H2AC11: variants seen among roughly 807,000 people sequenced by gnomAD.
The protein encoded by H2AC11 is H2A clustered histone 11.
In H2AC11, 8 loss-of-function variants were observed where a neutral mutation model predicts 5.9. The ratio of observed to expected loss-of-function variants is 1.35; its 90% CI spans 0.79 to 2.44. The LOEUF is 2.44. H2AC11 is among the 30% of genes most tolerant of loss of function. H2AC11 has a pLI of 0.00. For missense variants in H2AC11, 189 were observed against 178.6 expected, an observed-to-expected ratio of 1.06 and a Z score of -0.33; for synonymous variants, 161 against 81.9, an observed-to-expected ratio of 1.96 and a Z score of -5.21.
At position 27,133,104 on chromosome 6, in the gene H2AC11, C is replaced by A. The variant is rs1318057391; in HGVS notation, c.33C>A (p.Ala11=). 1 of 1,613,464 alleles carries A rather than the reference C, an allele frequency of 6.2e-7. No homozygotes were observed. The highest frequency in any genetic ancestry group is 8.5e-7 in the Non-Finnish European group (1 of 1,179,586). ...GACGTGGCAAGCAGGGAGGCAAAGC[C>A]CGCGCTAAGGCCAAGACTCGCTCTT... MSGRGKQGGK[A]RAKAKTRSSR... is the part of the protein sequence containing the mutation. The change falls in exon 1 of 1, where the codon GCC becomes GCA. Residue 11 remains alanine, a synonymous_variant. Coordinates refer to ENST00000359193, the MANE Select transcript of H2AC11 (RefSeq NM_021064.5).
At position 27,133,373 on chromosome 6, in the gene H2AC11, TCACCATCGCACAGGGCG is replaced by T; in HGVS notation, c.303_319del (p.Thr102CysfsTer15). On this transcript the variant is annotated frameshift_variant, in exon 1 of 1. Coordinates refer to ENST00000359193, the MANE Select transcript of H2AC11 (RefSeq NM_021064.5). LOFTEE classifies it high-confidence loss of function. The stretch of plus-strand genomic sequence containing the variant: ...GAGCTCAACAAGCTGCTGGGCAAAG[TCACCATCGCACAGGGCG>T]GTGTCCTGCCCAACATTCAGGCCGT... The T allele has an allele frequency of 6.2e-7, 1 of 1,614,178 alleles. No individual in the cohort carries two copies. The highest frequency in any genetic ancestry group is 8.5e-7 in the Non-Finnish European group (1 of 1,180,036).
Position 27,133,465 on chromosome 6 carries a change from C to T in H2AC11, c.*1C>T, listed in dbSNP as rs367814674. On this transcript the variant is annotated 3_prime_UTR_variant, in exon 1 of 1. Transcript: ENST00000359193. ...CCACCACAAGGCGAAGGGCAAGTAA[C>T]TATCTGTACTAGTTTGTGGCAGCTC... is the stretch of plus-strand genomic sequence containing the variant. 1.9e-6 allele frequency: 3 copies of T among 1,613,332 alleles called. No homozygotes were observed. The highest frequency in any genetic ancestry group is 1.7e-5 in the Admixed American group (1 of 59,988).
In H2AC11 at chr6:27,133,514, C is replaced by T; in HGVS notation, c.*50C>T. 6.3e-7 allele frequency: 1 copy of T among 1,581,814 alleles called. No homozygotes were observed. Among genetic ancestry groups the T allele is most frequent in the Non-Finnish European group, 8.6e-7 (1 of 1,161,584 alleles). The stretch of plus-strand genomic sequence containing the variant: ...TCAAGTAAAATCGAGTCCAAACCAA[C>T]GGCTCTTTTCAGGGCCACCCACGTC... On this transcript the variant is annotated 3_prime_UTR_variant, in exon 1 of 1. Transcript: ENST00000359193.
At position 27,133,422 on chromosome 6, in the gene H2AC11, G is replaced by A; in HGVS notation, c.351G>A (p.Leu117=). 6.2e-7 allele frequency: 1 copy of A among 1,614,196 alleles called. No homozygotes were observed. Among genetic ancestry groups the A allele is most frequent in the Non-Finnish European group, 8.5e-7 (1 of 1,180,026 alleles). The part of the protein sequence containing the change: ...GVLPNIQAVL[L]PKKTESHHKA... ...TGCCCAACATTCAGGCCGTGCTACT[G>A]CCCAAAAAGACTGAGAGCCACCACA... Residue 117 remains leucine (L), a synonymous_variant, in exon 1 of 1, where the codon CTG becomes CTA. Transcript: ENST00000359193.
Position 27,133,483 on chromosome 6 carries a change from G to T in H2AC11, c.*19G>T. ...CAAGTAACTATCTGTACTAGTTTGT[G>T]GCAGCTCAAGTAAAATCGAGTCCAA... On this transcript the variant is annotated 3_prime_UTR_variant, in exon 1 of 1. Coordinates refer to ENST00000359193, the MANE Select transcript of H2AC11 (RefSeq NM_021064.5). The T allele has an allele frequency of 1.2e-6, 2 of 1,602,878 alleles. No individual in the cohort carries two copies. The highest frequency in any genetic ancestry group is 1.7e-6 in the Non-Finnish European group (2 of 1,172,054).
In H2AC11 at chr6:27,133,376, C is replaced by T. The variant is rs1759885632; in HGVS notation, c.305C>T (p.Thr102Ile). ...EELNKLLGKV[T>I]IAQGGVLPNI... is the part of the protein sequence containing the mutation. The stretch of plus-strand genomic sequence containing the variant: ...CTCAACAAGCTGCTGGGCAAAGTCA[C>T]CATCGCACAGGGCGGTGTCCTGCCC... Residue 102 changes from threonine (T) to isoleucine (I), a missense_variant, in exon 1 of 1, where the codon ACC (threonine) becomes ATC (isoleucine). Physicochemically the swap from Thr to Ile is moderately conservative, Grantham distance 89. Coordinates refer to ENST00000359193, the MANE Select transcript of H2AC11 (RefSeq NM_021064.5). The T allele has an allele frequency of 1.9e-6, 3 of 1,614,114 alleles. No individual in the cohort carries two copies. Among genetic ancestry groups the T allele is most frequent in the African/African-American group, 1.3e-5 (1 of 74,946 alleles).
rs1470018979 is a variant in H2AC11, at chr6:27,133,338, C to T, written c.267C>T (p.Arg89=). 2 of 1,614,232 alleles carry T rather than the reference C, an allele frequency of 1.2e-6. No individual in the cohort carries two copies. The highest frequency in any genetic ancestry group is 1.1e-5 in the South Asian group (1 of 91,090). ...CGCGTCATCTCCAACTGGCCATCCG[C>T]AACGACGAGGAGCTCAACAAGCTGC... is the stretch of plus-strand genomic sequence containing the variant. The part of the protein sequence containing the change: ...IIPRHLQLAI[R]NDEELNKLLG... The change falls in exon 1 of 1, where the codon CGC becomes CGT. Residue 89 remains arginine (R), a synonymous_variant. Coordinates refer to ENST00000359193, the MANE Select transcript of H2AC11 (RefSeq NM_021064.5).
rs762950579 is a variant in H2AC11, at chr6:27,133,233, G to A, written c.162G>A (p.Ala54=). 1.2e-5 allele frequency: 19 copies of A among 1,614,016 alleles called. No individual in the cohort carries two copies. The South Asian group carries it at 1.6e-4, about 14-fold the overall frequency. ...VGAGAPVYLA[A]VLEYLTAEIL... is the part of the protein sequence containing the mutation. ...CCGGCGCGCCGGTGTATCTGGCAGC[G>A]GTGCTGGAGTACCTGACCGCCGAGA... The change falls in exon 1 of 1, where the codon GCG becomes GCA. Residue 54 remains alanine (A), a synonymous_variant. Transcript: ENST00000359193.
In H2AC11 at chr6:27,133,493, G is replaced by C. The variant is rs536908966; in HGVS notation, c.*29G>C. The C allele has an allele frequency of 6.3e-7, 1 of 1,597,644 alleles. No homozygotes were observed. The highest frequency in any genetic ancestry group is 1.1e-5 in the South Asian group (1 of 89,896). ...TCTGTACTAGTTTGTGGCAGCTCAA[G>C]TAAAATCGAGTCCAAACCAACGGCT... On this transcript the variant is annotated 3_prime_UTR_variant, in exon 1 of 1. Coordinates refer to ENST00000359193, the MANE Select transcript of H2AC11 (RefSeq NM_021064.5).
rs1452305503 is a variant in H2AC11, at chr6:27,133,136, C to T, written c.65C>T (p.Ala22Val). The T allele has an allele frequency of 5.6e-6, 9 of 1,613,960 alleles. No individual in the cohort carries two copies. Among genetic ancestry groups the T allele is most frequent in the African/African-American group, 1.3e-5 (1 of 74,928 alleles). ...AAGGCCAAGACTCGCTCTTCTAGGG[C>T]CGGTCTCCAGTTCCCCGTGGGCCGA... ...RAKAKTRSSR[A>V]GLQFPVGRVH... The change falls in exon 1 of 1, where the codon GCC becomes GTC. Residue 22 changes from alanine (A) to valine (V), a missense_variant. Transcript: ENST00000359193.
In H2AC11 at chr6:27,133,270, G is replaced by A. The variant is rs1051096633; in HGVS notation, c.199G>A (p.Ala67Thr). Residue 67 changes from alanine (A) to threonine (T), a missense_variant, in exon 1 of 1, where the codon GCG becomes ACG. Physicochemically the swap from Ala to Thr is moderately conservative, Grantham distance 58. Coordinates refer to ENST00000359193, the MANE Select transcript of H2AC11 (RefSeq NM_021064.5). ...EYLTAEILEL[A>T]GNAARDNKKT... ...CCTGACCGCCGAGATCCTGGAACTGGCGGGCAACGCGGCCCGCGACAACAA... is the reference window on the plus strand; with the variant it reads ...CCTGACCGCCGAGATCCTGGAACTGACGGGCAACGCGGCCCGCGACAACAA... 2.5e-6 allele frequency: 4 copies of A among 1,614,170 alleles called. No homozygotes were observed. Among genetic ancestry groups the A allele is most frequent in the Non-Finnish European group, 2.5e-6 (3 of 1,180,048 alleles).
chr6:27,133,467 A>G lies in H2AC11; in HGVS notation c.*3A>G, dbSNP rs752078716. The stretch of plus-strand genomic sequence containing the variant: ...ACCACAAGGCGAAGGGCAAGTAACT[A>G]TCTGTACTAGTTTGTGGCAGCTCAA... On this transcript the variant is annotated 3_prime_UTR_variant, in exon 1 of 1. Coordinates refer to ENST00000359193, the MANE Select transcript of H2AC11 (RefSeq NM_021064.5). 9 of 1,613,346 alleles carry G rather than the reference A, an allele frequency of 5.6e-6. No homozygotes were observed. Among genetic ancestry groups the G allele is most frequent in the African/African-American group, 5.3e-5 (4 of 74,928 alleles).
Position 27,133,077 on chromosome 6 carries a change from T to G in H2AC11, c.6T>G (p.Ser2=), listed in dbSNP as rs1227288640. The G allele has an allele frequency of 7.4e-6, 12 of 1,611,162 alleles. No individual in the cohort carries two copies. The highest frequency in any genetic ancestry group is 1.0e-5 in the Non-Finnish European group (12 of 1,178,254). Residue 2 remains serine, a synonymous_variant, in exon 1 of 1, where the codon TCT becomes TCG. Transcript: ENST00000359193. M[S]GRGKQGGKAR... Reference sequence around the variant, plus strand: ...CGTAGTGAGTTGCGCTCGCTATGTCTGGACGTGGCAAGCAGGGAGGCAAAG... The same window carrying G: ...CGTAGTGAGTTGCGCTCGCTATGTCGGGACGTGGCAAGCAGGGAGGCAAAG...
At position 27,133,356 on chromosome 6, in the gene H2AC11, C is replaced by T. The variant is rs1488000768; in HGVS notation, c.285C>T (p.Asn95=). 12 of 1,614,122 alleles carry T rather than the reference C, an allele frequency of 7.4e-6. No homozygotes were observed. Among genetic ancestry groups the T allele is most frequent in the African/African-American group, 6.7e-5 (5 of 74,946 alleles). ...CCATCCGCAACGACGAGGAGCTCAA[C>T]AAGCTGCTGGGCAAAGTCACCATCG... The part of the protein sequence containing the change: ...QLAIRNDEEL[N]KLLGKVTIAQ... The change falls in exon 1 of 1, where the codon AAC becomes AAT. Residue 95 remains asparagine, a synonymous_variant. Coordinates refer to ENST00000359193, the MANE Select transcript of H2AC11 (RefSeq NM_021064.5).
rs541862528 is a variant in H2AC11 at position 27,133,130 on chromosome 6, C to G, written c.59C>G (p.Ser20Cys). ...KARAKAKTRS[S>C]RAGLQFPVGR... ...CGCGCTAAGGCCAAGACTCGCTCTT[C>G]TAGGGCCGGTCTCCAGTTCCCCGTG... Residue 20 changes from serine to cysteine, a missense_variant, in exon 1 of 1, where the codon TCT becomes TGT. Coordinates refer to ENST00000359193, the MANE Select transcript of H2AC11 (RefSeq NM_021064.5). 26 of 1,613,952 alleles carry G rather than the reference C, an allele frequency of 1.6e-5. No individual in the cohort carries two copies. The highest frequency in any genetic ancestry group is 1.9e-5 in the Non-Finnish European group (23 of 1,179,998).
rs936253977 is a variant in H2AC11 at position 27,133,250 on chromosome 6, C to T, written c.179C>T (p.Thr60Ile). 1.9e-6 allele frequency: 3 copies of T among 1,614,182 alleles called. No individual in the cohort carries two copies. Among genetic ancestry groups the T allele is most frequent in the Non-Finnish European group, 2.5e-6 (3 of 1,180,044 alleles). Reference sequence around the variant, plus strand: ...CTGGCAGCGGTGCTGGAGTACCTGACCGCCGAGATCCTGGAACTGGCGGGC... The same window carrying T: ...CTGGCAGCGGTGCTGGAGTACCTGATCGCCGAGATCCTGGAACTGGCGGGC... ...VYLAAVLEYLTAEILELAGNA... is the reference protein window; with the variant it reads ...VYLAAVLEYLIAEILELAGNA... Residue 60 changes from threonine (T) to isoleucine (I), a missense_variant, in exon 1 of 1, where the codon ACC becomes ATC. Physicochemically the swap from Thr to Ile is moderately conservative, Grantham distance 89. Coordinates refer to ENST00000359193, the MANE Select transcript of H2AC11 (RefSeq NM_021064.5).
At position 27,133,094 on chromosome 6, in the gene H2AC11, G is replaced by A. The variant is rs944150834; in HGVS notation, c.23G>A (p.Gly8Glu). The change falls in exon 1 of 1, where the codon GGA becomes GAA. Residue 8 changes from glycine (G) to glutamate (E), a missense_variant. Transcript: ENST00000359193. ...GCTATGTCTGGACGTGGCAAGCAGG[G>A]AGGCAAAGCCCGCGCTAAGGCCAAG... MSGRGKQ[G>E]GKARAKAKTR... The A allele has an allele frequency of 3.7e-6, 6 of 1,612,880 alleles. No homozygotes were observed. The highest frequency in any genetic ancestry group is 3.3e-5 in the South Asian group (3 of 90,996).
chr6:27,133,329 GGCCATCC>G lies in H2AC11; in HGVS notation c.261_267del (p.Ile88ThrfsTer46). 1 of 1,614,144 alleles carries G rather than the reference GGCCATCC, an allele frequency of 6.2e-7. No homozygotes were observed. Among genetic ancestry groups the G allele is most frequent in the Non-Finnish European group, 8.5e-7 (1 of 1,180,028 alleles). ...GCATCATCCCGCGTCATCTCCAACT[GGCCATCC>G]GCAACGACGAGGAGCTCAACAAGCT... is the stretch of plus-strand genomic sequence containing the variant. On this transcript the variant is annotated frameshift_variant, in exon 1 of 1. Coordinates refer to ENST00000359193, the MANE Select transcript of H2AC11 (RefSeq NM_021064.5). LOFTEE classifies it high-confidence loss of function.
Position 27,133,264 on chromosome 6 carries a change from G to T in H2AC11, c.193G>T (p.Glu65Ter). 1 of 1,614,184 alleles carries T rather than the reference G, an allele frequency of 6.2e-7. No individual in the cohort carries two copies. The highest frequency in any genetic ancestry group is 1.1e-5 in the South Asian group (1 of 91,082). ...GGAGTACCTGACCGCCGAGATCCTG[G>T]AACTGGCGGGCAACGCGGCCCGCGA... ...VLEYLTAEIL[E>*]LAGNAARDNK... The change falls in exon 1 of 1, where the codon GAA becomes TAA. Residue 65 changes from glutamate to a stop codon, truncating the protein, a stop_gained. Coordinates refer to ENST00000359193, the MANE Select transcript of H2AC11 (RefSeq NM_021064.5). LOFTEE classifies it high-confidence loss of function.
Sources: allele counts gnomAD v4.1 joint callset, GRCh38; gene constraint gnomAD v4.1.1; transcripts MANE v1.5; gene names NCBI Gene and HGNC (gene_info 2026-07-23, HGNC 2026-07-21).